The following DNAH11 variants were observed in gnomAD, a reference collection of about 807,000 sequenced individuals.
DNAH11 encodes axonemal beta dynein heavy chain 11.
In DNAH11, 442 loss-of-function variants were observed where a neutral mutation model predicts 526.0. That is an observed-to-expected ratio of 0.84 (90% confidence interval 0.78 to 0.91). DNAH11 has a LOEUF of 0.91. Among genes scored for constraint, DNAH11 ranks in the 40% least tolerant of loss-of-function variants. DNAH11 has a pLI of 0.00. For synonymous variants in DNAH11, 2,461 were observed against 1,935.9 expected, an observed-to-expected ratio of 1.27 and a Z score of -7.12; for missense variants, 6,989 against 5,448.7, an observed-to-expected ratio of 1.28 and a Z score of -8.90.
At chr7:21,678,654 G>C (rs1238758310) in intron 30 of DNAH11, among the ~76,000 whole-genome samples, 1 of 152,074 alleles carries the variant, frequency 6.6e-6, no homozygotes, top group Non-Finnish European at 1.5e-5. Flanking sequence ...GGGCAGTACA[G>C]AGATTTTAAC....
intron 79 of DNAH11, among the ~76,000 whole-genome samples, chr7:21,897,798 G>A (rs1784577754): frequency 6.6e-6 from 1 of 152,004 alleles, no homozygotes; most frequent in South Asian, 2.1e-4. Context: ...GTTATTTTTA[G>A]TAGGGATGGG....
At chr7:21,579,411 G>T (rs548632373) in intron 8 of DNAH11, among the ~76,000 whole-genome samples, 1 of 152,184 alleles carries the variant, frequency 6.6e-6, no homozygotes, top group Non-Finnish European at 1.5e-5. Flanking sequence ...TAGACAGGCA[G>T]TTATCATATG....
chr7:21,561,465 CT>C (rs1783457047), intron 5 of DNAH11: 1 of 250,566 alleles, frequency 4.0e-6, no homozygotes, highest in South Asian at 8.6e-5. Flanking sequence ...AAAAATAAGT[CT>C]GGATAGAGGT....
At position 21,711,813 on chromosome 7, in the gene DNAH11, C is replaced by T; in HGVS notation, c.6936C>T (p.Ser2312=). 1.2e-6 allele frequency: 2 copies of T among 1,613,816 alleles called. No individual in the cohort carries two copies. Residue 2312 remains serine, a synonymous_variant, in exon 42 of 82, where the codon TCC becomes TCT. Transcript: ENST00000409508. The part of the protein sequence containing the change: ...HLRSATPATV[S]RAGILYVNPQ... ...GGAGCGCAACCCCGGCCACTGTTTC[C>T]AGAGCTGGTATTCTGTATGTGAACC...
intron 70 of DNAH11, 30 bp from the exon 71 acceptor site, chr7:21,866,440 A>T: frequency 1.3e-6 from 2 of 1,588,808 alleles, no homozygotes; most frequent in African/African-American, 1.4e-5. Flanking sequence ...CGTTCACACC[A>T]TTCCTACTTG....
At chr7:21,865,492 A>T (rs1783237492) in intron 70 of DNAH11, among the ~76,000 whole-genome samples, 1 of 152,164 alleles carries the variant, frequency 6.6e-6, no homozygotes, top group African/African-American at 2.4e-5. Flanking sequence ...GGATTAGGAA[A>T]TCAACCAGGG....
intron 4 of DNAH11, 135 bp from the exon 5 acceptor site, chr7:21,560,935 AC>A (rs1309422514): frequency 3.2e-6 from 2 of 624,192 alleles, no homozygotes; most frequent in African/African-American, 3.8e-5. Context: ...TCAACTGGAA[AC>A]CAGATATAAC....
At chr7:21,886,323 G>T (rs2128044697) in intron 76 of DNAH11, among the ~76,000 whole-genome samples, 1 of 152,102 alleles carries the variant, frequency 6.6e-6, no homozygotes, top group Non-Finnish European at 1.5e-5. Flanking sequence ...AATACACCAG[G>T]AAAACATAGT....
At position 21,738,681 on chromosome 7, in the gene DNAH11, G is replaced by A. The variant is rs759829173; in HGVS notation, c.7646-20G>A. Reference sequence around the variant, plus strand: ...TTTACATTCTGTTGATGGGTGGACAGAAATATATGTTTATTTCAGAAATTC... The same window carrying A: ...TTTACATTCTGTTGATGGGTGGACAAAAATATATGTTTATTTCAGAAATTC... On this transcript the variant is annotated intron_variant, in intron 46 of 81. Coordinates refer to ENST00000409508, the MANE Select transcript of DNAH11 (RefSeq NM_001277115.2). 5 of 1,548,984 alleles carry A rather than the reference G, an allele frequency of 3.2e-6. No individual in the cohort carries two copies. The highest frequency in any genetic ancestry group is 2.6e-6 in the Non-Finnish European group (3 of 1,147,968).
rs563145818 is a variant in DNAH11, at chr7:21,600,066, A to C, written c.2947A>C (p.Met983Leu). 1.8e-5 allele frequency: 28 copies of C among 1,598,758 alleles called. No homozygotes were observed. Among genetic ancestry groups the C allele is most frequent in the Non-Finnish European group, 2.3e-5 (27 of 1,170,476 alleles). ...AGAAATGTTATGCAATAGTTTTAGA[A>C]TGTCTGCCCAGATGAACCGAATAGC... ...VEEMLCNSFR[M>L]SAQMNRIATH... Residue 983 changes from methionine to leucine, a missense_variant, in exon 15 of 82, where the codon ATG becomes CTG. Physicochemically the swap from Met to Leu is conservative, Grantham distance 15 (BLOSUM62 2). Coordinates refer to ENST00000409508, the MANE Select transcript of DNAH11 (RefSeq NM_001277115.2).
chr7:21,863,551 C>T (rs991697788), intron 69 of DNAH11, among the ~76,000 whole-genome samples: 3 of 152,150 alleles, frequency 2.0e-5, no homozygotes, highest in African/African-American at 7.2e-5. Flanking sequence ...TGGTCTTGAT[C>T]TCTTGACCTC....
Position 21,686,733 on chromosome 7 carries a change from T to A in DNAH11, c.5622-366T>A, listed in dbSNP as rs796951888. Among the ~76,000 whole-genome samples, 79 of 152,304 alleles carry A rather than the reference T, an allele frequency of 5.2e-4. 1 individual carries two copies. The highest frequency in any genetic ancestry group is 1.9e-3 in the African/African-American group (77 of 41,576). On this transcript the variant is annotated intron_variant, in intron 32 of 81. Coordinates refer to ENST00000409508, the MANE Select transcript of DNAH11 (RefSeq NM_001277115.2). ...TCATCATCTAAGACTTCTCTTCTAC[T>A]TTTCCTTTATAAACAATAGTTTGGA...
At chr7:21,636,957 G>T (rs971393610) in intron 26 of DNAH11, among the ~76,000 whole-genome samples, 1 of 152,082 alleles carries the variant, frequency 6.6e-6, no homozygotes, top group Non-Finnish European at 1.5e-5. Context: ...CACGTGGCAT[G>T]GTGCATGTAA....
intron 55 of DNAH11, 21 bp downstream of exon 55, chr7:21,765,610 T>TCTCA (rs1554278823): frequency 2.3e-4 from 223 of 956,486 alleles, no homozygotes; most frequent in African/African-American, 2.3e-3. Flanking sequence ...TCAGCCTGCG[T>TCTCA]CACACACACA....
chr7:21,843,473 G>GTTT (rs931095695), intron 66 of DNAH11, among the ~76,000 whole-genome samples: 4 of 137,502 alleles, frequency 2.9e-5, no homozygotes, highest in African/African-American at 9.5e-5. Flanking sequence ...CTATGCTCAG[G>GTTT]TTTTTTTTGT....
chr7:21,570,409 C>G (rs1783839597), intron 7 of DNAH11, 110 bp downstream of exon 7: 1 of 854,974 alleles, frequency 1.2e-6, no homozygotes, highest in Non-Finnish European at 1.8e-6. Flanking sequence ...TGGAGGTCTC[C>G]TTTCTCAGTG....
At chr7:21,704,012 C>T (rs1031020018) in intron 37 of DNAH11, among the ~76,000 whole-genome samples, 1 of 152,078 alleles carries the variant, frequency 6.6e-6, no homozygotes, top group Non-Finnish European at 1.5e-5. Flanking sequence ...AGCTTACAGC[C>T]AAGATAGAAC....
At chr7:21,637,550 G>A in intron 26 of DNAH11, 61 bp from the exon 27 acceptor site, 2 of 1,108,020 alleles carry the variant, frequency 1.8e-6, no homozygotes, top group Non-Finnish European at 2.7e-6. Flanking sequence ...TTCTTGAAAT[G>A]ATTAAAAGTT....
chr7:21,855,403 T>C (rs1209028950), intron 68 of DNAH11, among the ~76,000 whole-genome samples: 1 of 152,240 alleles, frequency 6.6e-6, no homozygotes, highest in African/African-American at 2.4e-5. Context: ...GGAAAGAGAA[T>C]GCTCATATTT....
Sources: allele counts gnomAD v4.1 joint callset (sites outside exome capture counted in the v4.1 genomes callset), GRCh38; gene constraint gnomAD v4.1.1; transcripts MANE v1.5; gene names NCBI Gene and HGNC (gene_info 2026-07-23, HGNC 2026-07-21).